PCDH20: variants seen among roughly 807,000 people sequenced by gnomAD.
PCDH20 encodes protocadherin 20.
Under a neutral mutation model 39.7 loss-of-function variants are expected in PCDH20, and 18 were observed. That is an observed-to-expected ratio of 0.45 (90% CI 0.31 to 0.67). The LOEUF (loss-of-function observed/expected upper bound fraction) is 0.67, where lower values mean the gene tolerates loss of function less well. PCDH20 is among the 30% of genes least tolerant of loss of function. The probability of loss-of-function intolerance (pLI) is 0.05; values close to 1 mark genes in which losing one functional copy is unlikely to be tolerated. For missense variants in PCDH20, 1,161 were observed against 1,167.4 expected (o/e 0.99, Z 0.08); for synonymous variants, 495 against 455.4 (o/e 1.09, Z -1.11).
chr13:61,415,139 G>T lies in PCDH20; in HGVS notation c.20C>A (p.Ala7Glu), dbSNP rs369069207. ...CACTCCCAGGGCCTGTGAGCTGCGC[G>T]CATTCCCTCGGCCGCGCATTCCCTG... Residue 7 changes from alanine to glutamate, a missense_variant, in exon 1 of 2, where the codon GCG (alanine) becomes GAG (glutamate). By Grantham distance (107) the Ala-to-Glu change is moderately radical. This residue lies in a region of PCDH20 where 401 missense variants were observed against 368.7 expected (regional missense o/e 1.09). Transcript: ENST00000409204. 3.4e-6 allele frequency: 5 copies of T among 1,472,726 alleles called. No homozygotes were observed. The South Asian group carries it at 4.0e-5, about 12-fold the overall frequency. 91.2% of individuals were successfully genotyped at this position (1,472,726 alleles called of 1,614,324 possible). A position where few individuals can be genotyped will look rare whatever the true frequency, so the allele number is the denominator to read the frequency against.
chr13:61,413,811 T>A (rs773779546), exon 2 of PCDH20: 1 of 1,613,090 alleles, frequency 6.2e-7, no homozygotes, highest in South Asian at 1.1e-5. Flanking sequence ...CCGGCCTCCC[T>A]GCAGACCTGG....
exon 2 of PCDH20, chr13:61,412,915 T>C: frequency 6.2e-7 from 1 of 1,614,166 alleles, no homozygotes; most frequent in Non-Finnish European, 8.5e-7. Flanking sequence ...GATGGTGAGC[T>C]TGTGGGACTC....
intron 1 of PCDH20, 27 bp downstream of exon 1, chr13:61,415,000 G>GC: frequency 7.2e-7 from 1 of 1,391,812 alleles, no homozygotes; most frequent in Non-Finnish European, 9.5e-7. Flanking sequence ...TGTCGGGGTC[G>GC]CGGGGTTCCT....
At chr13:61,412,076 C>T (rs147088518) in exon 2 of PCDH20, 14 of 1,614,056 alleles carry the variant, frequency 8.7e-6, no homozygotes, top group South Asian at 5.5e-5. Flanking sequence ...ACAGAGAGGG[C>T]GACCCATCCA....
chr13:61,413,256 T>C (rs2138019812), exon 2 of PCDH20: 1 of 1,614,054 alleles, frequency 6.2e-7, no homozygotes, highest in Non-Finnish European at 8.5e-7. Context: ...GGTCCTGGGT[T>C]TCCCTGTCCA....
exon 2 of PCDH20, chr13:61,413,162 T>C (rs764802555): frequency 2.5e-6 from 4 of 1,614,178 alleles, no homozygotes; most frequent in Non-Finnish European, 3.4e-6. Context: ...TTGTCATTAA[T>C]GTCACTGATG....
At chr13:61,411,962 C>T in exon 2 of PCDH20, 1 of 1,614,140 alleles carries the variant, frequency 6.2e-7, no homozygotes, top group South Asian at 1.1e-5. Flanking sequence ...TCAACAGCTT[C>T]AACCCACAAA....
chr13:61,412,374 T>C (rs899556995), exon 2 of PCDH20: 3 of 1,614,154 alleles, frequency 1.9e-6, no homozygotes, highest in Non-Finnish European at 2.5e-6. Flanking sequence ...GAGCATCAGG[T>C]CCCAGAAAAT....
chr13:61,412,469 T>C (rs749552711), exon 2 of PCDH20: 35 of 1,614,072 alleles, frequency 2.2e-5, no homozygotes, highest in Non-Finnish European at 1.4e-5. Context: ...TTCTCTTCGA[T>C]GGTTAGTTCT....
exon 1 of PCDH20, chr13:61,415,090 G>T (rs1176536781): frequency 1.3e-5 from 21 of 1,568,598 alleles, no homozygotes; most frequent in Non-Finnish European, 1.6e-5. Context: ...CCAGGCGCGG[G>T]TGCCAGGTCG....
exon 2 of PCDH20, chr13:61,411,353 C>T (rs1228624469): frequency 6.2e-7 from 1 of 1,613,944 alleles, no homozygotes; most frequent in East Asian, 2.2e-5. Flanking sequence ...TGCTTTTCCC[C>T]TTTCCTTAAA....
At chr13:61,415,619 C>G (rs1268152542), upstream of PCDH20, 1 of 153,304 alleles carries the variant, frequency 6.5e-6, no homozygotes, top group East Asian at 1.9e-4. Context: ...GCTTTGCCAA[C>G]AGTTCCTCCT....
At chr13:61,411,330 A>T (rs1300691055) in exon 2 of PCDH20, 1 of 1,613,982 alleles carries the variant, frequency 6.2e-7, no homozygotes, top group Non-Finnish European at 8.5e-7. Flanking sequence ...CCAAATTTTC[A>T]TCTTCCCTGG....
chr13:61,410,603 A>C (rs1331440154), exon 2 of PCDH20: 1 of 152,624 alleles, frequency 6.6e-6, no homozygotes, highest in African/African-American at 2.4e-5. Flanking sequence ...CAGCAGGCTG[A>C]ATCTGTAACA....
chr13:61,411,971 A>C, exon 2 of PCDH20: 2 of 1,614,090 alleles, frequency 1.2e-6, no homozygotes, highest in Non-Finnish European at 1.7e-6. Context: ...TCAACCCACA[A>C]AGTATAGGAG....
At chr13:61,413,422 G>T (rs765837626) in exon 2 of PCDH20, 15 of 1,613,936 alleles carry the variant, frequency 9.3e-6, no homozygotes, top group African/African-American at 6.7e-5. Flanking sequence ...GGCCAGTCGG[G>T]TGTTTACAGG....
rs909981728 is a variant in PCDH20, at chr13:61,411,539, C to T, written c.2560G>A (p.Glu854Lys). 2.4e-5 allele frequency: 39 copies of T among 1,614,036 alleles called. No individual in the cohort carries two copies. The highest frequency in any genetic ancestry group is 3.0e-5 in the Non-Finnish European group (35 of 1,180,036). The change falls in exon 2 of 2, where the codon GAG becomes AAG. Residue 854 changes from glutamate to lysine, a missense_variant. By Grantham distance (56) the Glu-to-Lys change is moderately conservative (BLOSUM62 1). Around this residue, in one of 3 missense-constraint regions of PCDH20, gnomAD observed 754 missense variants for 777.5 expected, o/e 0.97. Transcript: ENST00000409204. ...TCTGGTTCTTTTCTTAAAAGACTCT[C>T]AATGTAACTCTCATTACTGACAGTG...
exon 2 of PCDH20, chr13:61,411,491 G>A (rs1211398888): frequency 6.2e-6 from 10 of 1,613,982 alleles, no homozygotes; most frequent in Non-Finnish European, 8.5e-6. Context: ...GAGATTTGTG[G>A]TTCTTTCTCC....
Position 61,411,445 on chromosome 13 carries a change from GAC to G in PCDH20, c.2652_2653del (p.Ser885LeufsTer39). ...CAGAGCTACTAAGGTGGGCATACAA[GAC>G]ACAGATTCTACCTTCCTATGAGTCG... On this transcript the variant is annotated frameshift_variant, in exon 2 of 2. Transcript: ENST00000409204. LOFTEE classifies it high-confidence loss of function. 1 of 1,614,072 alleles carries G rather than the reference GAC, an allele frequency of 6.2e-7. No homozygotes were observed. Among genetic ancestry groups the G allele is most frequent in the Non-Finnish European group, 8.5e-7 (1 of 1,179,988 alleles).
Sources: gnomAD v4.1 joint callset for allele counts on GRCh38, gnomAD v4.1.1 for gene constraint, gnomAD v4.1.1 regional missense constraint, MANE v1.5 for transcripts, NCBI Gene and HGNC (gene_info 2026-07-23, HGNC 2026-07-21) for gene names.